RGS6: variants seen among roughly 807,000 people sequenced by gnomAD.
RGS6 encodes the protein regulator of G protein signaling 6, also known as regulator of G-protein signaling 6.
RGS6 carries 30 observed loss-of-function variants against 78.5 expected under a neutral mutation model. That is an observed-to-expected ratio of 0.38 (90% CI 0.29 to 0.52). The LOEUF is 0.52. Among genes scored for constraint, RGS6 ranks in the 20% least tolerant of loss-of-function variants. The pLI is 0.85. For missense variants in RGS6, 495 were observed against 609.7 expected (o/e 0.81, Z 1.98); for synonymous variants, 206 against 206.0 (o/e 1.00, Z 0.00).
At chr14:71,974,826 T>G (rs1282750259) in intron 2 of RGS6, among the ~76,000 whole-genome samples, 2 of 152,204 alleles carry the variant, frequency 1.3e-5, no homozygotes, top group Non-Finnish European at 2.9e-5. Flanking sequence ...TGAAGATAAA[T>G]TCTCTCAGTT....
At chr14:72,309,045 C>G (rs1208733656) in intron 2 of RGS6, among the ~76,000 whole-genome samples, 1 of 152,164 alleles carries the variant, frequency 6.6e-6, no homozygotes, top group Non-Finnish European at 1.5e-5. Flanking sequence ...GTGGAATGTC[C>G]TCTTGATTTT....
intron 2 of RGS6, among the ~76,000 whole-genome samples, chr14:71,993,049 T>C (rs1025111657): frequency 2.0e-5 from 3 of 152,230 alleles, no homozygotes; most frequent in Non-Finnish European, 2.9e-5. Context: ...AGCCTTTTAC[T>C]TTAAGGAGAT....
chr14:72,552,630 A>C (rs1204398319), intron 17 of RGS6: 1 of 152,230 alleles, frequency 6.6e-6, no homozygotes, highest in African/African-American at 2.4e-5. Context: ...CAACCTCAAC[A>C]AGTCCAGTTG....
chr14:72,061,945 C>G (rs547339598), intron 2 of RGS6, among the ~76,000 whole-genome samples: 1 of 152,322 alleles, frequency 6.6e-6, no homozygotes, highest in Admixed American at 6.5e-5. Flanking sequence ...GCTGCTGGTA[C>G]AGCAAGAAAC....
At chr14:72,293,598 A>T (rs183810900) in intron 2 of RGS6, among the ~76,000 whole-genome samples, 1 of 152,252 alleles carries the variant, frequency 6.6e-6, no homozygotes, top group Admixed American at 6.5e-5. Flanking sequence ...ATATTCTTAG[A>T]ATCCATAGGA....
At chr14:72,336,867 G>T (rs75106348) in intron 2 of RGS6, among the ~76,000 whole-genome samples, 5 of 152,066 alleles carry the variant, frequency 3.3e-5, no homozygotes. Context: ...TGCCCCCTGT[G>T]TTTCTTCACA....
At chr14:72,290,469 C>A (rs1276135166) in intron 2 of RGS6, among the ~76,000 whole-genome samples, 1 of 152,016 alleles carries the variant, frequency 6.6e-6, no homozygotes, top group Admixed American at 6.5e-5. Flanking sequence ...TCCTTCCTCT[C>A]CACAGCTTCC....
rs372098559 is a variant in RGS6, at chr14:72,265,657, C to G, written c.85-86438C>G. On this transcript the variant is annotated intron_variant, in intron 2 of 17. Transcript: ENST00000553525. ...AAGGCACATAATATTCACGGAGAGC[C>G]AAAGTGGCTTGCCTGTGTCATTACA... 3.0e-3 allele frequency among the ~76,000 whole-genome samples: 463 copies of G among 152,212 alleles called. 1 individual carries two copies. The highest frequency in any genetic ancestry group is 0.011 in the African/African-American group (447 of 41,526).
chr14:72,460,922 G>A (rs911998515), intron 6 of RGS6, among the ~76,000 whole-genome samples: 1 of 151,934 alleles, frequency 6.6e-6, no homozygotes, highest in Non-Finnish European at 1.5e-5. Context: ...GAATACAAGC[G>A]AGTTGTACCT....
At chr14:72,102,069 G>A (rs2095539571) in intron 2 of RGS6, among the ~76,000 whole-genome samples, 1 of 152,150 alleles carries the variant, frequency 6.6e-6, no homozygotes, top group African/African-American at 2.4e-5. Flanking sequence ...GTTGGGATTT[G>A]GAAAAGGCAG....
chr14:72,472,783 CT>C, intron 8 of RGS6, 88 bp from the exon 9 acceptor site: 1 of 940,820 alleles, frequency 1.1e-6, no homozygotes, highest in Non-Finnish European at 1.7e-6. Context: ...CACTTAGCCC[CT>C]AGCAACAGGA....
chr14:72,271,301 C>T (rs544771947), intron 2 of RGS6, among the ~76,000 whole-genome samples: 5 of 152,310 alleles, frequency 3.3e-5, no homozygotes, highest in Admixed American at 2.0e-4. Context: ...GGACGTCTTA[C>T]ATGGTGGCAG....
intron 2 of RGS6, among the ~76,000 whole-genome samples, chr14:72,106,120 A>T (rs1376632319): frequency 6.6e-6 from 1 of 152,238 alleles, no homozygotes; most frequent in African/African-American, 2.4e-5. Flanking sequence ...GAGACCAGAC[A>T]TAAATGCATA....
chr14:72,470,160 C>A, intron 8 of RGS6, 77 bp downstream of exon 8: 1 of 1,094,352 alleles, frequency 9.1e-7, no homozygotes, highest in Non-Finnish European at 1.4e-6. Context: ...GTGGGATTGT[C>A]AAAGTGAAGT....
chr14:72,418,577 G>T (rs1284920456), intron 3 of RGS6, among the ~76,000 whole-genome samples: 121 of 152,330 alleles, frequency 7.9e-4, no homozygotes, highest in Non-Finnish European at 1.5e-3. Flanking sequence ...CAATAGGACA[G>T]CCAGATACAG....
chr14:72,298,838 A>G (rs2065442759), intron 2 of RGS6, among the ~76,000 whole-genome samples: 1 of 152,114 alleles, frequency 6.6e-6, no homozygotes, highest in Admixed American at 6.5e-5. Flanking sequence ...TTCTCAGAGA[A>G]TTTGTGGAGG....
rs571450012 is a variant in RGS6, at chr14:72,511,382, C to T, written c.1091+1103C>T. Among the ~76,000 whole-genome samples the T allele has an allele frequency of 9.2e-5, 14 of 152,316 alleles. No individual in the cohort carries two copies. The South Asian group carries it at 1.2e-3, about 14-fold the overall frequency. On this transcript the variant is annotated intron_variant, in intron 14 of 17. Transcript: ENST00000553525. ...TGAAGTTGAGACCATCGGTCCCATACGTCAATCAAGTGATATTTATGCTAC... is the reference window on the plus strand; with the variant it reads ...TGAAGTTGAGACCATCGGTCCCATATGTCAATCAAGTGATATTTATGCTAC...
chr14:72,403,897 TC>T (rs1335241656), intron 3 of RGS6, among the ~76,000 whole-genome samples: 1 of 152,140 alleles, frequency 6.6e-6, no homozygotes, highest in Non-Finnish European at 1.5e-5. Context: ...CCAGAAAGGG[TC>T]AAAAGAGTAC....
At chr14:72,372,572 A>T (rs753292161) in intron 3 of RGS6, among the ~76,000 whole-genome samples, 21 of 152,330 alleles carry the variant, frequency 1.4e-4, no homozygotes, top group Non-Finnish European at 1.6e-4. Flanking sequence ...TCCCACATTT[A>T]TCCAGGTATA....
Sources: gnomAD v4.1 joint callset for allele counts (sites outside exome capture counted in the v4.1 genomes callset) on GRCh38, gnomAD v4.1.1 for gene constraint, MANE v1.5 for transcripts, NCBI Gene and HGNC (gene_info 2026-07-23, HGNC 2026-07-21) for gene names.